SRPK2: variants seen among roughly 807,000 people sequenced by gnomAD.
SRPK2 encodes SFRS protein kinase 2.
In SRPK2, 21 loss-of-function variants were observed where a neutral mutation model predicts 90.8. The ratio of observed to expected loss-of-function variants is 0.23; its 90% CI spans 0.16 to 0.33. The LOEUF (loss-of-function observed/expected upper bound fraction) is 0.33. SRPK2 is among the 10% of genes least tolerant of loss of function. The probability of loss-of-function intolerance (pLI) is 1.00; values close to 1 mark genes in which losing one functional copy is unlikely to be tolerated. For synonymous variants in SRPK2, 288 were observed against 311.1 expected (o/e 0.93, Z 0.78); for missense variants, 620 against 869.0 (o/e 0.71, Z 3.60).
At chr7:105,383,052 A>ATTTTT (rs1563315577) in intron 2 of SRPK2, among the ~76,000 whole-genome samples, 2,257 of 105,160 alleles carry the variant, frequency 0.021, 495 homozygotes, top group East Asian at 0.073. Context: ...CAAAAGTAAA[A>ATTTTT]ATTTTTTTTT....
At chr7:105,118,558 A>G (rs926062396) in intron 15 of SRPK2, among the ~76,000 whole-genome samples, 1 of 152,232 alleles carries the variant, frequency 6.6e-6, no homozygotes, top group Non-Finnish European at 1.5e-5. Flanking sequence ...CTAACAAGCT[A>G]GTAAATGGCC....
At chr7:105,208,509 T>C (rs764063733) in intron 2 of SRPK2, among the ~76,000 whole-genome samples, 1 of 152,208 alleles carries the variant, frequency 6.6e-6, no homozygotes, top group Non-Finnish European at 1.5e-5. Context: ...CAAAACCTTA[T>C]GCTGGGTGAC....
chr7:105,134,589 A>G (rs1197060711), intron 11 of SRPK2, among the ~76,000 whole-genome samples: 1 of 152,228 alleles, frequency 6.6e-6, no homozygotes, highest in African/African-American at 2.4e-5. Context: ...TGCTGAAATG[A>G]ACTAAACCTC....
chr7:105,354,071 C>T (rs1215992972), intron 2 of SRPK2, among the ~76,000 whole-genome samples: 1 of 152,202 alleles, frequency 6.6e-6, no homozygotes, highest in African/African-American at 2.4e-5. Flanking sequence ...GCTGCATCTG[C>T]CTGGCCTTCG....
intron 3 of SRPK2, among the ~76,000 whole-genome samples, 200 bp downstream of exon 3, chr7:105,203,428 C>G (rs1008250504): frequency 6.6e-6 from 1 of 152,170 alleles, no homozygotes; most frequent in African/African-American, 2.4e-5. Flanking sequence ...ACAATTCTCT[C>G]TCATATCACT....
chr7:105,172,042 C>A (rs527883799), intron 3 of SRPK2, among the ~76,000 whole-genome samples: 2 of 152,072 alleles, frequency 1.3e-5, no homozygotes, highest in Admixed American at 6.5e-5. Flanking sequence ...TACAGGCTTG[C>A]ACCACCACAC....
upstream of SRPK2, chr7:105,389,072 G>C: frequency 1.1e-6 from 1 of 948,138 alleles, no homozygotes; most frequent in Middle Eastern, 5.4e-4. Flanking sequence ...CCACCCACCT[G>C]TGCAGAAGTG....
intron 2 of SRPK2, among the ~76,000 whole-genome samples, chr7:105,286,197 G>A (rs969750436): frequency 2.0e-5 from 3 of 152,094 alleles, no homozygotes; most frequent in African/African-American, 7.2e-5. Context: ...ACTTTCAAAT[G>A]TCCTCAAATT....
At chr7:105,308,341 T>C (rs920031541) in intron 2 of SRPK2, among the ~76,000 whole-genome samples, 1 of 152,212 alleles carries the variant, frequency 6.6e-6, no homozygotes, top group Non-Finnish European at 1.5e-5. Context: ...CTGAGCACTC[T>C]AGAAAACCCA....
chr7:105,382,038 C>G (rs1821006051), intron 2 of SRPK2, among the ~76,000 whole-genome samples: 1 of 152,096 alleles, frequency 6.6e-6, no homozygotes, highest in Non-Finnish European at 1.5e-5. Context: ...CGTGGTGGCA[C>G]ATGCCTGTAG....
At position 105,132,858 on chromosome 7, in the gene SRPK2, C is replaced by T; in HGVS notation, c.1685G>A (p.Arg562His). Residue 562 changes from arginine to histidine, a missense_variant, in exon 13 of 16, where the codon CGC becomes CAC. By Grantham distance (29) the Arg-to-His change is conservative. Coordinates refer to ENST00000393651, the MANE Select transcript of SRPK2 (RefSeq NM_182692.3). The stretch of plus-strand genomic sequence containing the variant: ...CGCTCCTATTAAAACCTCTATGGAG[C>T]GGTACTGACGCGTCTGGATGTCTTC... Reference protein sequence around the residue: ...FTEDIQTRQYRSIEVLIGAGY... With the variant: ...FTEDIQTRQYHSIEVLIGAGY... 1 of 1,611,260 alleles carries T rather than the reference C, an allele frequency of 6.2e-7. No homozygotes were observed. Among genetic ancestry groups the T allele is most frequent in the Non-Finnish European group, 8.5e-7 (1 of 1,178,468 alleles).
At chr7:105,263,184 G>A (rs907267587) in intron 2 of SRPK2, among the ~76,000 whole-genome samples, 66 of 152,044 alleles carry the variant, frequency 4.3e-4, no homozygotes, top group African/African-American at 1.5e-3. Flanking sequence ...TTAGCCGGGC[G>A]TGGTGGCGCG....
intron 2 of SRPK2, among the ~76,000 whole-genome samples, chr7:105,231,156 C>T (rs759371479): frequency 3.9e-5 from 6 of 152,152 alleles, no homozygotes; most frequent in South Asian, 2.1e-4. Context: ...TATCACTCAG[C>T]GCCCCCTTAT....
chr7:105,210,030 ACT>A (rs1796665932), intron 2 of SRPK2, among the ~76,000 whole-genome samples: 1 of 152,132 alleles, frequency 6.6e-6, no homozygotes, highest in Non-Finnish European at 1.5e-5. Flanking sequence ...GGGAGGAAAA[ACT>A]CAACAACCGA....
chr7:105,388,691 G>C lies in SRPK2; in HGVS notation c.28C>G (p.Gln10Glu). Residue 10 changes from glutamine (Q) to glutamate (E), a missense_variant, in exon 2 of 16, where the codon CAG (glutamine) becomes GAG (glutamate). By Grantham distance (29) the Gln-to-Glu change is conservative. Coordinates refer to ENST00000393651, the MANE Select transcript of SRPK2 (RefSeq NM_182692.3). MSSRKVLAIQARKRRPKREK... is the reference protein window; with the variant it reads MSSRKVLAIEARKRRPKREK... Reference sequence around the variant, plus strand: ...CTTTTCGGCCTCCGCTTTCGGGCCTGAATGGCCAGCACTGGGGAAGAGAAG... The same window carrying C: ...CTTTTCGGCCTCCGCTTTCGGGCCTCAATGGCCAGCACTGGGGAAGAGAAG... The C allele has an allele frequency of 6.3e-7, 1 of 1,588,650 alleles. No homozygotes were observed. The highest frequency in any genetic ancestry group is 8.6e-7 in the Non-Finnish European group (1 of 1,167,164).
At chr7:105,352,605 T>C (rs1290038784) in intron 2 of SRPK2, among the ~76,000 whole-genome samples, 1 of 152,216 alleles carries the variant, frequency 6.6e-6, no homozygotes, top group Non-Finnish European at 1.5e-5. Context: ...AATAAATAGC[T>C]AATACAACTA....
chr7:105,304,153 C>G (rs1810894379), intron 2 of SRPK2: 1 of 152,136 alleles, frequency 6.6e-6, no homozygotes, highest in South Asian at 2.1e-4. Context: ...GTCAATTGGA[C>G]CCATTGTTCA....
chr7:105,117,678 CA>C lies in SRPK2; in HGVS notation c.*159del. On this transcript the variant is annotated 3_prime_UTR_variant, in exon 16 of 16. Coordinates refer to ENST00000393651, the MANE Select transcript of SRPK2 (RefSeq NM_182692.3). The stretch of plus-strand genomic sequence containing the variant: ...ACTACCCTTCCCCAGGATCACAGTG[CA>C]CAAAAAGCAAAATGTCAAACAACAG... The C allele has an allele frequency of 1.4e-6, 1 of 737,386 alleles. No individual in the cohort carries two copies. 45.7% of individuals were successfully genotyped at this position (737,386 alleles called of 1,614,324 possible). A position where few individuals can be genotyped will look rare whatever the true frequency, so the allele number is the denominator to read the frequency against.
chr7:105,279,001 A>G (rs1024854523), intron 2 of SRPK2, among the ~76,000 whole-genome samples: 3 of 152,204 alleles, frequency 2.0e-5, no homozygotes, highest in Non-Finnish European at 2.9e-5. Flanking sequence ...AGATTTTTAA[A>G]TAAAATAGGC....
Sources: gnomAD v4.1 joint callset for allele counts (sites outside exome capture counted in the v4.1 genomes callset) on GRCh38, gnomAD v4.1.1 for gene constraint, MANE v1.5 for transcripts, NCBI Gene and HGNC (gene_info 2026-07-23, HGNC 2026-07-21) for gene names.